The following TMEM245 variants were observed in gnomAD, a reference collection of about 807,000 sequenced individuals.
TMEM245 encodes the protein protein CG-2.
Under a neutral mutation model 101.2 loss-of-function variants are expected in TMEM245, and 69 were observed. The observed-to-expected ratio is 0.68, with a 90% CI of 0.56 to 0.83. TMEM245 has a LOEUF of 0.83. TMEM245 is among the 40% of genes least tolerant of loss of function. The probability of loss-of-function intolerance (pLI) is 0.00; values close to 1 mark genes in which losing one functional copy is unlikely to be tolerated. For synonymous variants in TMEM245, 537 were observed against 449.8 expected, an observed-to-expected ratio of 1.19 and a Z score of -2.45; for missense variants, 1,075 against 1,092.8, an observed-to-expected ratio of 0.98 and a Z score of 0.23.
chr9:109,045,471 G>T (rs990761731), intron 14 of TMEM245, among the ~76,000 whole-genome samples: 4 of 152,134 alleles, frequency 2.6e-5, no homozygotes, highest in Non-Finnish European at 5.9e-5. Context: ...TCATCTGGAG[G>T]CTATGGTAGT....
At chr9:109,055,549 G>A (rs1828805035) in intron 12 of TMEM245, among the ~76,000 whole-genome samples, 1 of 151,852 alleles carries the variant, frequency 6.6e-6, no homozygotes, top group Non-Finnish European at 1.5e-5. Context: ...TCTCAAATAA[G>A]TAAAAAAGGA....
At chr9:109,073,866 T>TG (rs1554723989) in intron 8 of TMEM245, among the ~76,000 whole-genome samples, 5 of 149,078 alleles carry the variant, frequency 3.4e-5, no homozygotes, top group Admixed American at 6.7e-5. Flanking sequence ...GTTTTTTTTT[T>TG]TTTTTTTTTA....
chr9:109,038,208 G>A (rs1325649788), intron 14 of TMEM245, 91 bp from the exon 15 acceptor site: 1 of 874,940 alleles, frequency 1.1e-6, no homozygotes, highest in Non-Finnish European at 1.7e-6. Flanking sequence ...TCCAAATCAT[G>A]TAATAGCTTC....
chr9:109,050,543 G>C (rs1165168244), intron 13 of TMEM245, 27 bp downstream of exon 13: 9 of 1,613,686 alleles, frequency 5.6e-6, no homozygotes, highest in Non-Finnish European at 5.9e-6. Flanking sequence ...AAGGAAATAT[G>C]ACGTGTACTT....
chr9:109,098,824 A>AT (rs1410108701), intron 3 of TMEM245, among the ~76,000 whole-genome samples: 1 of 152,210 alleles, frequency 6.6e-6, no homozygotes, highest in Non-Finnish European at 1.5e-5. Context: ...GGATCTACAC[A>AT]AATCCAAACA....
At chr9:109,086,480 C>A (rs1829841396) in intron 6 of TMEM245, among the ~76,000 whole-genome samples, 1 of 152,190 alleles carries the variant, frequency 6.6e-6, no homozygotes, top group South Asian at 2.1e-4. Flanking sequence ...GTATCCCATA[C>A]ACACTTTTCC....
At chr9:109,067,772 C>A (rs1334102256) in intron 9 of TMEM245, among the ~76,000 whole-genome samples, 1 of 152,142 alleles carries the variant, frequency 6.6e-6, no homozygotes, top group Non-Finnish European at 1.5e-5. Context: ...ATTTACCCAC[C>A]AGCTTACGAG....
chr9:109,095,594 TTA>T, intron 3 of TMEM245, among the ~76,000 whole-genome samples: 1 of 152,290 alleles, frequency 6.6e-6, no homozygotes, highest in South Asian at 2.1e-4. Context: ...ATGAAGGACT[TTA>T]GTGTTTATTC....
At chr9:109,109,357 T>A (rs1164989933) in intron 1 of TMEM245, among the ~76,000 whole-genome samples, 1 of 149,914 alleles carries the variant, frequency 6.7e-6, no homozygotes, top group Non-Finnish European at 1.5e-5. Context: ...GAATACATAA[T>A]CCAGAACACA....
chr9:109,059,635 A>G (rs1361909981), intron 11 of TMEM245, among the ~76,000 whole-genome samples: 1 of 152,208 alleles, frequency 6.6e-6, no homozygotes, highest in East Asian at 1.9e-4. Context: ...TAGTAAGCCA[A>G]GATCACACCA....
chr9:109,052,578 A>G (rs1212634126), intron 12 of TMEM245, among the ~76,000 whole-genome samples: 2 of 152,236 alleles, frequency 1.3e-5, no homozygotes, highest in East Asian at 3.8e-4. Flanking sequence ...ACCTCAGCTC[A>G]GTTTCATAAG....
intron 8 of TMEM245, among the ~76,000 whole-genome samples, chr9:109,078,748 T>C (rs1409060940): frequency 6.6e-6 from 1 of 152,254 alleles, no homozygotes; most frequent in African/African-American, 2.4e-5. Flanking sequence ...CTTATTCTAC[T>C]GAAGGTTTGT....
At chr9:109,109,058 A>G (rs927814643) in intron 1 of TMEM245, among the ~76,000 whole-genome samples, 2 of 152,230 alleles carry the variant, frequency 1.3e-5, no homozygotes, top group East Asian at 3.8e-4. Flanking sequence ...ACTCTGTAAA[A>G]GTAAGAAAGC....
intron 1 of TMEM245, among the ~76,000 whole-genome samples, chr9:109,114,053 G>A (rs1282004288): frequency 6.6e-6 from 1 of 152,142 alleles, no homozygotes; most frequent in Non-Finnish European, 1.5e-5. Flanking sequence ...TCCAGCCTGG[G>A]CAACAAGAGC....
chr9:109,087,805 A>G (rs1326508879), intron 5 of TMEM245, among the ~76,000 whole-genome samples: 1 of 152,216 alleles, frequency 6.6e-6, no homozygotes, highest in Non-Finnish European at 1.5e-5. Flanking sequence ...AGTATAAGGT[A>G]TTCCATACGC....
At position 109,119,551 on chromosome 9, in the gene TMEM245, C is replaced by G. The variant is rs530924653; in HGVS notation, c.363G>C (p.Leu121=). 3.6e-5 allele frequency: 56 copies of G among 1,535,222 alleles called. No individual in the cohort carries two copies. In the African/African-American group the frequency reaches 7.5e-4, roughly 20 times the overall value. The part of the protein sequence containing the change: ...RLHRAHTPIV[L]AALLLPLCFV... ...AGCAGAGCGGCAGGAGCAGCGCGGCCAGGACGATGGGCGTGTGCGCGCGGT... is the reference window on the plus strand; with the variant it reads ...AGCAGAGCGGCAGGAGCAGCGCGGCGAGGACGATGGGCGTGTGCGCGCGGT... The change falls in exon 1 of 18, where the codon CTG becomes CTC. Residue 121 remains leucine, a synonymous_variant. Coordinates refer to ENST00000374586, the MANE Select transcript of TMEM245 (RefSeq NM_032012.4).
intron 6 of TMEM245, among the ~76,000 whole-genome samples, 170 bp from the exon 7 acceptor site, chr9:109,086,190 G>T (rs7031485): frequency 6.6e-6 from 1 of 152,120 alleles, no homozygotes; most frequent in African/African-American, 2.4e-5. Context: ...TAAAATCAAC[G>T]GAATGTAGTA....
rs971481496 is a variant in TMEM245 at position 109,119,481 on chromosome 9, G to C, written c.433C>G (p.Arg145Gly). The C allele has an allele frequency of 1.3e-6, 2 of 1,485,700 alleles. No individual in the cohort carries two copies. The highest frequency in any genetic ancestry group is 5.0e-5 in the Admixed American group (2 of 40,312). 92.0% of individuals were successfully genotyped at this position (1,485,700 alleles called of 1,614,324 possible). Residue 145 changes from arginine to glycine, a missense_variant, in exon 1 of 18, where the codon CGC becomes GGC. Transcript: ENST00000374586. Reference sequence around the variant, plus strand: ...CCGAGCAGCAGGAGCAGGCGGCGGCGGCGCAGCGCCTGCTCGCCCAGGGCC... The same window carrying C: ...CCGAGCAGCAGGAGCAGGCGGCGGCCGCGCAGCGCCTGCTCGCCCAGGGCC... The part of the protein sequence containing the change: ...VEALGEQALR[R>G]RRLLLLLGAG...
chr9:109,111,733 T>C (rs1481735499), intron 1 of TMEM245, among the ~76,000 whole-genome samples: 1 of 152,146 alleles, frequency 6.6e-6, no homozygotes, highest in Non-Finnish European at 1.5e-5. Flanking sequence ...AATTGAGTAA[T>C]TAGTCAGACT....
Sources: gnomAD v4.1 joint callset for allele counts (sites outside exome capture counted in the v4.1 genomes callset) on GRCh38, gnomAD v4.1.1 for gene constraint, MANE v1.5 for transcripts, NCBI Gene and HGNC (gene_info 2026-07-23, HGNC 2026-07-21) for gene names.